PTPRG: variants seen among roughly 807,000 people sequenced by gnomAD.
PTPRG encodes the protein protein tyrosine phosphatase receptor type G.
PTPRG carries 102 observed loss-of-function variants against 165.3 expected under a neutral mutation model. The observed-to-expected ratio is 0.62, with a 90% CI of 0.53 to 0.73. The LOEUF is 0.73. PTPRG is among the 30% of genes least tolerant of loss of function. The pLI is 0.00. For synonymous variants in PTPRG, 675 were observed against 669.5 expected (o/e 1.01, Z -0.13); for missense variants, 1,866 against 1,861.4 (o/e 1.00, Z -0.05).
chr3:62,188,972 A>G (rs555957997), intron 8 of PTPRG, among the ~76,000 whole-genome samples: 1 of 152,180 alleles, frequency 6.6e-6, no homozygotes, highest in Admixed American at 6.5e-5. Flanking sequence ...TCTGTCTTGA[A>G]AAACTATGAA....
rs145140381 is a variant in PTPRG, at chr3:61,807,162, C to T, written c.190+58180C>T. On this transcript the variant is annotated intron_variant, in intron 2 of 29. Transcript: ENST00000474889. ...GTACATCATTTTCTAATTTCTGAGA[C>T]GACTTGTAAATCACAAGGAGAGAGG... Among the ~76,000 whole-genome samples the T allele has an allele frequency of 6.1e-3, 935 of 152,178 alleles. 10 individuals are homozygous for T. The highest frequency in any genetic ancestry group is 6.4e-3 in the South Asian group (31 of 4,808).
chr3:62,231,117 G>T, intron 13 of PTPRG, 108 bp from the exon 14 acceptor site: 2 of 749,542 alleles, frequency 2.7e-6, no homozygotes, highest in Middle Eastern at 2.6e-4. Flanking sequence ...CTGATGACGG[G>T]GTCTGTCTGT....
chr3:61,996,292 C>A (rs144322698), intron 3 of PTPRG, among the ~76,000 whole-genome samples: 118 of 152,224 alleles, frequency 7.8e-4, no homozygotes, highest in African/African-American at 2.5e-3. Context: ...TTCAAACTCA[C>A]CTGGTACCAA....
intron 1 of PTPRG, among the ~76,000 whole-genome samples, chr3:61,647,391 A>G (rs1383935542): frequency 1.3e-5 from 2 of 152,204 alleles, no homozygotes; most frequent in African/African-American, 4.8e-5. Flanking sequence ...TCCCCAAAGG[A>G]GGGTCAATAC....
chr3:62,272,740 A>C (rs1466382396), intron 21 of PTPRG, among the ~76,000 whole-genome samples: 1 of 152,148 alleles, frequency 6.6e-6, no homozygotes, highest in African/African-American at 2.4e-5. Context: ...CGGTAGGCTG[A>C]GGCTCGAGAA....
chr3:62,022,161 C>A (rs2041710448), intron 4 of PTPRG, among the ~76,000 whole-genome samples: 2 of 152,280 alleles, frequency 1.3e-5, no homozygotes, highest in Non-Finnish European at 1.5e-5. Flanking sequence ...GGTACCATTG[C>A]TGTCTCATTA....
chr3:61,738,304 A>AAG (rs2032826005), intron 1 of PTPRG, among the ~76,000 whole-genome samples: 1 of 84,472 alleles, frequency 1.2e-5, no homozygotes, highest in Non-Finnish European at 2.4e-5. Flanking sequence ...ATATATATAT[A>AAG]TATATATACA....
At chr3:61,695,839 G>A (rs1481890069) in intron 1 of PTPRG, among the ~76,000 whole-genome samples, 1 of 152,108 alleles carries the variant, frequency 6.6e-6, no homozygotes, top group Non-Finnish European at 1.5e-5. Flanking sequence ...ATGATGTACA[G>A]AATTAATCAA....
At chr3:61,758,651 C>A (rs2033721389) in intron 2 of PTPRG, among the ~76,000 whole-genome samples, 1 of 152,074 alleles carries the variant, frequency 6.6e-6, no homozygotes, top group Non-Finnish European at 1.5e-5. Context: ...CGGGGTTTCA[C>A]CATATTGGCC....
Position 62,225,930 on chromosome 3 carries a change from AGG to A in PTPRG, c.2289-5294_2289-5293del, listed in dbSNP as rs1700755224. On this transcript the variant is annotated intron_variant, in intron 13 of 29. Coordinates refer to ENST00000474889, the MANE Select transcript of PTPRG (RefSeq NM_002841.4). ...CTGTCTCCCAAAGTGCTGGGATTAC[AGG>A]TGTCAGCCACCACGCCTGGCCAAGC... Among the ~76,000 whole-genome samples, 15 of 152,298 alleles carry A rather than the reference AGG, an allele frequency of 9.8e-5. No individual in the cohort carries two copies. The South Asian group carries it at 3.1e-3, about 32-fold the overall frequency.
At chr3:62,291,353 C>T (rs1430489165) in intron 28 of PTPRG, among the ~76,000 whole-genome samples, 1 of 152,090 alleles carries the variant, frequency 6.6e-6, no homozygotes, top group Non-Finnish European at 1.5e-5. Context: ...CTACTCAGTA[C>T]CTATGCTAAA....
At chr3:61,963,175 G>T (rs1037267606) in intron 2 of PTPRG, among the ~76,000 whole-genome samples, 5 of 152,022 alleles carry the variant, frequency 3.3e-5, no homozygotes. Context: ...TTTAAAGTAG[G>T]AGTTCTTAAC....
rs983220880 is a variant in PTPRG, at chr3:61,721,954, T to C, written c.86-26924T>C. Among the ~76,000 whole-genome samples the C allele has an allele frequency of 2.0e-5, 3 of 152,148 alleles. No homozygotes were observed. In the South Asian group the frequency reaches 6.2e-4, roughly 32 times the overall value. On this transcript the variant is annotated intron_variant, in intron 1 of 29. Transcript: ENST00000474889. Reference sequence around the variant, plus strand: ...AGCTTTAGAGTGGTTCTCCTTAGTATGGCAAGATGCAGCAACATGAAGTGT... The same window carrying C: ...AGCTTTAGAGTGGTTCTCCTTAGTACGGCAAGATGCAGCAACATGAAGTGT...
intron 4 of PTPRG, among the ~76,000 whole-genome samples, chr3:62,052,070 A>G (rs1700485377): frequency 6.6e-6 from 1 of 152,188 alleles, no homozygotes; most frequent in South Asian, 2.1e-4. Flanking sequence ...GGGCATGGAA[A>G]TTATAAATTA....
At chr3:61,968,619 A>G (rs2040321712) in intron 2 of PTPRG, among the ~76,000 whole-genome samples, 1 of 152,214 alleles carries the variant, frequency 6.6e-6, no homozygotes, top group East Asian at 1.9e-4. Flanking sequence ...GTAGCTTTTT[A>G]TAGATCTATT....
intron 2 of PTPRG, among the ~76,000 whole-genome samples, chr3:61,961,482 T>C (rs755628979): frequency 2.4e-4 from 36 of 152,322 alleles, no homozygotes; most frequent in Admixed American, 1.9e-3. Flanking sequence ...GATGTCTGTT[T>C]TCTTAGGGTA....
At chr3:62,265,241 T>C (rs1244411611) in intron 17 of PTPRG, among the ~76,000 whole-genome samples, 1 of 152,216 alleles carries the variant, frequency 6.6e-6, no homozygotes, top group African/African-American at 2.4e-5. Context: ...TGCATTGTCT[T>C]TTCACTTTCT....
chr3:62,092,164 G>A (rs1336073941), intron 5 of PTPRG, among the ~76,000 whole-genome samples: 2 of 149,296 alleles, frequency 1.3e-5, no homozygotes, highest in Non-Finnish European at 3.0e-5. Context: ...GACCGGCCGG[G>A]TCCAGCTGCA....
At chr3:61,622,026 A>C (rs1164115063) in intron 1 of PTPRG, among the ~76,000 whole-genome samples, 1 of 152,212 alleles carries the variant, frequency 6.6e-6, no homozygotes, top group Non-Finnish European at 1.5e-5. Flanking sequence ...ACTCAACTTC[A>C]GAGCATCTTA....
Sources: allele counts gnomAD v4.1 joint callset (sites outside exome capture counted in the v4.1 genomes callset), GRCh38; gene constraint gnomAD v4.1.1; transcripts MANE v1.5; gene names NCBI Gene and HGNC (gene_info 2026-07-23, HGNC 2026-07-21).